The following DHRS7C variants were observed in gnomAD, a reference collection of about 807,000 sequenced individuals.
The protein encoded by DHRS7C is dehydrogenase/reductase SDR family member 7C.
A neutral mutation model predicts 29.6 loss-of-function variants in DHRS7C; 28 were observed. The ratio of observed to expected loss-of-function variants is 0.95; its 90% CI spans 0.70 to 1.30. The LOEUF (loss-of-function observed/expected upper bound fraction) is 1.30, where lower values mean the gene tolerates loss of function less well. Ranked by LOEUF, DHRS7C falls within the 50% of genes most tolerant of loss-of-function variation. The pLI is 0.00. For missense variants in DHRS7C, 403 were observed against 393.3 expected, an observed-to-expected ratio of 1.02 and a Z score of -0.21; for synonymous variants, 158 against 160.2, an observed-to-expected ratio of 0.99 and a Z score of 0.10.
chr17:9,781,740 C>G, intron 1 of DHRS7C, 146 bp from the exon 2 acceptor site: 1 of 692,588 alleles, frequency 1.4e-6, no homozygotes, highest in Non-Finnish European at 2.4e-6. Context: ...ATTGAACTCC[C>G]TCCCCGGGCT....
chr17:9,791,274 A>G lies in DHRS7C; in HGVS notation c.11T>C (p.Met4Thr). 3 of 1,613,678 alleles carry G rather than the reference A, an allele frequency of 1.9e-6. No homozygotes were observed. Among genetic ancestry groups the G allele is most frequent in the Non-Finnish European group, 2.5e-6 (3 of 1,179,764 alleles). ...CAGCAGGGGGAGCATCAGCATGGCCATGACTCCCATCTTGTTCTGGGGGAC... is the reference window on the plus strand; with the variant it reads ...CAGCAGGGGGAGCATCAGCATGGCCGTGACTCCCATCTTGTTCTGGGGGAC... MGV[M>T]AMLMLPLLLL... Residue 4 changes from methionine to threonine, a missense_variant, in exon 1 of 6, where the codon ATG becomes ACG. By Grantham distance (81) the Met-to-Thr change is moderately conservative. Coordinates refer to ENST00000571134, the MANE Select transcript of DHRS7C (RefSeq NM_001105571.3).
chr17:9,773,332 C>G (rs531084435), intron 4 of DHRS7C, among the ~76,000 whole-genome samples: 4 of 152,136 alleles, frequency 2.6e-5, no homozygotes, highest in Non-Finnish European at 5.9e-5. Flanking sequence ...GTCCAAGGTC[C>G]GGGGCCAGCT....
At chr17:9,777,577 T>G (rs899826491) in intron 3 of DHRS7C, among the ~76,000 whole-genome samples, 3 of 152,126 alleles carry the variant, frequency 2.0e-5, no homozygotes, top group Admixed American at 2.0e-4. Flanking sequence ...TATTTTATTT[T>G]CCTCTCAAAT....
intron 3 of DHRS7C, among the ~76,000 whole-genome samples, chr17:9,778,839 T>C (rs1414333390): frequency 1.3e-5 from 2 of 152,188 alleles, no homozygotes; most frequent in East Asian, 1.9e-4. Context: ...ACTCCCTAAA[T>C]GGAGGCGTTC....
At chr17:9,790,532 G>C (rs1028736311) in intron 1 of DHRS7C, among the ~76,000 whole-genome samples, 5 of 152,238 alleles carry the variant, frequency 3.3e-5, no homozygotes, top group Admixed American at 3.3e-4. Flanking sequence ...GATGGGTGGG[G>C]TGTGTGGCCC....
In DHRS7C at chr17:9,775,086, G is replaced by A. The variant is rs1047071588; in HGVS notation, c.571+2107C>T. Reference sequence around the variant, plus strand: ...CCAAAGCGCCCATTGTCATGCCCATGTCTCATTATATTATGTCACCTCTGT... The same window carrying A: ...CCAAAGCGCCCATTGTCATGCCCATATCTCATTATATTATGTCACCTCTGT... On this transcript the variant is annotated intron_variant, in intron 4 of 5. Coordinates refer to ENST00000571134, the MANE Select transcript of DHRS7C (RefSeq NM_001105571.3). The surrounding 1 kb of genome is among the most constrained non-coding windows in gnomAD (Gnocchi z 4.2). Among the ~76,000 whole-genome samples the A allele has an allele frequency of 3.9e-5, 6 of 152,178 alleles. No individual in the cohort carries two copies. The highest frequency in any genetic ancestry group is 1.4e-4 in the African/African-American group (6 of 41,444).
intron 5 of DHRS7C, 67 bp from the exon 6 acceptor site, chr17:9,771,763 A>G: frequency 1.5e-6 from 2 of 1,311,138 alleles, no homozygotes; most frequent in South Asian, 2.2e-5. Flanking sequence ...AGAGCCCTGC[A>G]CATGCACAAA....
At chr17:9,785,762 A>T (rs2066419824) in intron 1 of DHRS7C, among the ~76,000 whole-genome samples, 1 of 152,178 alleles carries the variant, frequency 6.6e-6, no homozygotes, top group African/African-American at 2.4e-5. Flanking sequence ...TGGACCTTGA[A>T]GCCATCTTAT....
Position 9,777,174 on chromosome 17 carries a change from T to G in DHRS7C, c.571+19A>C. 1 of 1,600,802 alleles carries G rather than the reference T, an allele frequency of 6.2e-7. No homozygotes were observed. Among genetic ancestry groups the G allele is most frequent in the Non-Finnish European group, 8.5e-7 (1 of 1,169,874 alleles). ...AGACATACAACAGAAGATATCATAT[T>G]TTTATCTTAGCAACTTACAAGTCGT... On this transcript the variant is annotated intron_variant, in intron 4 of 5. Transcript: ENST00000571134.
chr17:9,781,985 T>G (rs1480563025), intron 1 of DHRS7C, among the ~76,000 whole-genome samples: 2 of 152,212 alleles, frequency 1.3e-5, no homozygotes, highest in Non-Finnish European at 2.9e-5. Flanking sequence ...TGTCACCAGT[T>G]TCCTCCACAT....
rs1463882374 is a variant in DHRS7C, at chr17:9,772,634, T to C, written c.727+133A>G. The C allele has an allele frequency of 9.9e-6, 12 of 1,208,758 alleles. No homozygotes were observed. The South Asian group carries it at 1.7e-4, about 17-fold the overall frequency. The allele number at this position is 1,208,758 out of a possible 1,614,324, so 74.9% of individuals were successfully genotyped here. A position where few individuals can be genotyped will look rare whatever the true frequency, so the allele number is the denominator to read the frequency against. ...GGGGGCCCCGCCCTGCTGTTGGGGG[T>C]TGCTGAGCCTCCTCCACCCCCATCC... is the stretch of plus-strand genomic sequence containing the variant. On this transcript the variant is annotated intron_variant, in intron 5 of 5. Transcript: ENST00000571134.
intron 3 of DHRS7C, among the ~76,000 whole-genome samples, chr17:9,778,938 G>A (rs996221054): frequency 6.6e-6 from 1 of 151,892 alleles, no homozygotes; most frequent in Middle Eastern, 3.2e-3. Context: ...TTTTTAGACA[G>A]TCTCACCCTG....
At chr17:9,779,254 AG>A (rs936761237) in intron 3 of DHRS7C, among the ~76,000 whole-genome samples, 1 of 152,106 alleles carries the variant, frequency 6.6e-6, no homozygotes, top group Non-Finnish European at 1.5e-5. Context: ...GGTATCTCCT[AG>A]GCCCCTCAGA....
intron 2 of DHRS7C, among the ~76,000 whole-genome samples, chr17:9,780,997 T>C (rs756411360): frequency 2.0e-5 from 3 of 152,100 alleles, no homozygotes; most frequent in Non-Finnish European, 4.4e-5. Flanking sequence ...ATTAGAAAAA[T>C]ATATCCTGAA....
intron 3 of DHRS7C, among the ~76,000 whole-genome samples, chr17:9,777,798 C>T (rs548729034): frequency 6.6e-6 from 1 of 152,220 alleles, no homozygotes; most frequent in African/African-American, 2.4e-5. Flanking sequence ...CTTGCACATG[C>T]TAATCTTTTA....
Position 9,785,134 on chromosome 17 carries a change from T to A in DHRS7C, c.155-3540A>T, listed in dbSNP as rs2066416446. ...AGATGCTGACTTTCAAAGGAAATTT[T>A]AAAAACATGTCATATGAAGTTCAGT... On this transcript the variant is annotated intron_variant, in intron 1 of 5. Coordinates refer to ENST00000571134, the MANE Select transcript of DHRS7C (RefSeq NM_001105571.3). 3.3e-5 allele frequency: 5 copies of A among 152,356 alleles called. No individual in the cohort carries two copies. The South Asian group carries it at 1.0e-3, about 32-fold the overall frequency. 9.4% of individuals were successfully genotyped at this position (152,356 alleles called of 1,614,324 possible).
chr17:9,777,640 A>T (rs952564980), intron 3 of DHRS7C, among the ~76,000 whole-genome samples: 3 of 151,762 alleles, frequency 2.0e-5, no homozygotes, highest in Non-Finnish European at 2.9e-5. Context: ...GGCATATTGC[A>T]CTCAAGTAGT....
intron 1 of DHRS7C, chr17:9,785,316 A>C (rs1235178010): frequency 1.3e-5 from 2 of 152,250 alleles, no homozygotes; most frequent in African/African-American, 4.8e-5. Context: ...AGTGAAGGGC[A>C]CAGGAGGAAT....
Position 9,771,643 on chromosome 17 carries a change from C to A in DHRS7C, c.781G>T (p.Val261Leu), listed in dbSNP as rs2064363089. 1 of 1,589,308 alleles carries A rather than the reference C, an allele frequency of 6.3e-7. No individual in the cohort carries two copies. The highest frequency in any genetic ancestry group is 1.7e-5 in the Admixed American group (1 of 57,378). The change falls in exon 6 of 6, where the codon GTG (valine) becomes TTG (leucine). Residue 261 changes from valine to leucine, a missense_variant. Physicochemically the swap from Val to Leu is conservative, Grantham distance 32. Transcript: ENST00000571134. Reference sequence around the variant, plus strand: ...TTCTTCCTCCGCACGGTGCGCATCACCTCCTCCGCCACCTCTACTGGGTGC... The same window carrying A: ...TTCTTCCTCCGCACGGTGCGCATCAACTCCTCCGCCACCTCTACTGGGTGC... ...GVHPVEVAEEVMRTVRRKKQE... is the reference protein window; with the variant it reads ...GVHPVEVAEELMRTVRRKKQE...
Sources: allele counts gnomAD v4.1 joint callset (sites outside exome capture counted in the v4.1 genomes callset), GRCh38; gene constraint gnomAD v4.1.1; non-coding constraint Gnocchi (gnomAD v3.1); transcripts MANE v1.5; gene names NCBI Gene and HGNC (gene_info 2026-07-23, HGNC 2026-07-21).